The following CBFB variants were observed in gnomAD, a reference collection of about 807,000 sequenced individuals.
CBFB encodes core-binding factor subunit beta.
Under a neutral mutation model 30.4 loss-of-function variants are expected in CBFB, and 9 were observed. The ratio of observed to expected loss-of-function variants is 0.30; its 90% CI spans 0.18 to 0.52. The LOEUF (loss-of-function observed/expected upper bound fraction) is 0.52. CBFB is among the 20% of genes least tolerant of loss of function. The pLI, the probability that CBFB is intolerant of heterozygous loss-of-function variation, is 0.97. For missense variants in CBFB, 170 were observed against 244.0 expected, an observed-to-expected ratio of 0.70 and a Z score of 2.02; for synonymous variants, 94 against 84.0, an observed-to-expected ratio of 1.12 and a Z score of -0.65.
At chr16:67,053,507 G>A (rs1029449942) in intron 3 of CBFB, among the ~76,000 whole-genome samples, 1 of 151,758 alleles carries the variant, frequency 6.6e-6, no homozygotes, top group Non-Finnish European at 1.5e-5. Context: ...CACACTCTTC[G>A]GCCTCCCAAA....
intron 2 of CBFB, 88 bp downstream of exon 2, chr16:67,029,901 C>T: frequency 1.2e-6 from 1 of 831,358 alleles, no homozygotes; most frequent in Non-Finnish European, 1.7e-6. Flanking sequence ...GGCGCGGCTG[C>T]TGCGGCTCCC....
rs1597127915 is a variant in CBFB at position 67,043,757 on chromosome 16, T to G, written c.282+7002T>G. 2.6e-5 allele frequency among the ~76,000 whole-genome samples: 4 copies of G among 152,214 alleles called. 1 individual carries two copies. The East Asian group carries it at 7.7e-4, about 29-fold the overall frequency. ...ATATGTGAAAATGCCTTTTAAATTG[T>G]AAACCCCTGTCTACAGTTAGGCAAT... On this transcript the variant is annotated intron_variant, in intron 3 of 5. Coordinates refer to ENST00000412916, the MANE Select transcript of CBFB (RefSeq NM_022845.3).
intron 2 of CBFB, among the ~76,000 whole-genome samples, chr16:67,036,214 G>A (rs549741881): frequency 2.6e-4 from 40 of 152,190 alleles, no homozygotes; most frequent in Admixed American, 2.4e-3. Flanking sequence ...GGGAAATCAA[G>A]GAAAATTAAA....
intron 5 of CBFB, among the ~76,000 whole-genome samples, chr16:67,090,128 CTGTG>C (rs1297076914): frequency 1.3e-5 from 2 of 152,108 alleles, no homozygotes; most frequent in Admixed American, 6.5e-5. Context: ...CTACCAGTTA[CTGTG>C]GGGATTGAGT....
chr16:67,068,316 A>C (rs1961117141), intron 4 of CBFB, among the ~76,000 whole-genome samples: 1 of 152,072 alleles, frequency 6.6e-6, no homozygotes, highest in Non-Finnish European at 1.5e-5. Flanking sequence ...CCATCTACAC[A>C]AATAATTTTA....
chr16:67,089,540 G>T (rs1228729097), intron 5 of CBFB, among the ~76,000 whole-genome samples: 1 of 152,092 alleles, frequency 6.6e-6, no homozygotes, highest in Non-Finnish European at 1.5e-5. Context: ...CTATTCTCTG[G>T]CATATAGGCT....
At chr16:67,069,503 C>T (rs943479590) in intron 4 of CBFB, among the ~76,000 whole-genome samples, 19 of 152,102 alleles carry the variant, frequency 1.2e-4, no homozygotes, top group African/African-American at 4.3e-4. Flanking sequence ...CACCAGCACA[C>T]GTATTAACAT....
intron 3 of CBFB, among the ~76,000 whole-genome samples, chr16:67,049,495 C>T (rs970013742): frequency 6.6e-6 from 1 of 152,092 alleles, no homozygotes; most frequent in African/African-American, 2.4e-5. Flanking sequence ...AGCCACCGCG[C>T]CCGGCCCCAT....
intron 4 of CBFB, among the ~76,000 whole-genome samples, chr16:67,068,838 A>T (rs1468845873): frequency 1.3e-5 from 2 of 152,218 alleles, no homozygotes; most frequent in Non-Finnish European, 2.9e-5. Context: ...TTTTAATGTT[A>T]AAGGAAATTA....
chr16:67,098,560 GT>G (rs376694014), intron 5 of CBFB, 149 bp from the exon 6 acceptor site: 139 of 550,622 alleles, frequency 2.5e-4, no homozygotes, highest in Admixed American at 4.0e-4. Flanking sequence ...ATTTTAATTG[GT>G]TTTTTTTTGC....
intron 5 of CBFB, among the ~76,000 whole-genome samples, chr16:67,090,753 A>C (rs997827870): frequency 6.6e-6 from 1 of 152,260 alleles, no homozygotes; most frequent in East Asian, 1.9e-4. Context: ...GGTTGTCTTT[A>C]ATGTCAGAGA....
chr16:67,084,820 C>T (rs1961674922), intron 5 of CBFB, among the ~76,000 whole-genome samples: 2 of 151,604 alleles, frequency 1.3e-5, no homozygotes, highest in African/African-American at 2.4e-5. Flanking sequence ...CCAGACTCTA[C>T]AGCCAGACAG....
At position 67,099,520 on chromosome 16, in the gene CBFB, C is replaced by G. The variant is rs1424088094; in HGVS notation, c.*742C>G. 5.0e-6 allele frequency: 1 copy of G among 201,602 alleles called. No homozygotes were observed. The highest frequency in any genetic ancestry group is 7.6e-5 in the East Asian group (1 of 13,076). 12.5% of individuals were successfully genotyped at this position (201,602 alleles called of 1,614,324 possible). A position where few individuals can be genotyped will look rare whatever the true frequency, so the allele number is the denominator to read the frequency against. ...CCTCCTGCCTTAGCCTCCCAGAGTA[C>G]TGGGATTACAGGCTCTTTCTTTTTA... On this transcript the variant is annotated 3_prime_UTR_variant, in exon 6 of 6. Coordinates refer to ENST00000412916, the MANE Select transcript of CBFB (RefSeq NM_022845.3).
At chr16:67,072,000 C>A (rs1961236262) in intron 4 of CBFB, among the ~76,000 whole-genome samples, 1 of 152,118 alleles carries the variant, frequency 6.6e-6, no homozygotes, top group Admixed American at 6.6e-5. Flanking sequence ...CTCTGCTGAT[C>A]ACACAGGCAG....
intron 5 of CBFB, among the ~76,000 whole-genome samples, chr16:67,091,036 T>G (rs902053826): frequency 3.9e-5 from 6 of 152,214 alleles, no homozygotes; most frequent in Non-Finnish European, 5.9e-5. Context: ...AGCATGAGAA[T>G]ATGTCTGTGC....
chr16:67,081,676 C>G (rs1247402226), intron 4 of CBFB, among the ~76,000 whole-genome samples: 1 of 151,814 alleles, frequency 6.6e-6, no homozygotes, highest in East Asian at 1.9e-4. Context: ...TGCAGTGGTG[C>G]GTGCCTGTAG....
chr16:67,058,132 G>C (rs1485872459), intron 3 of CBFB, among the ~76,000 whole-genome samples: 1 of 151,320 alleles, frequency 6.6e-6, no homozygotes, highest in Non-Finnish European at 1.5e-5. Flanking sequence ...CAAATCGGTT[G>C]TTGTTGTTGT....
intron 4 of CBFB, among the ~76,000 whole-genome samples, chr16:67,070,643 AG>A (rs1961193556): frequency 6.6e-6 from 1 of 151,834 alleles, no homozygotes; most frequent in African/African-American, 2.4e-5. Flanking sequence ...TGGTCCCAGG[AG>A]TTTGAGACCA....
intron 5 of CBFB, among the ~76,000 whole-genome samples, chr16:67,085,263 G>A (rs1042485193): frequency 2.0e-5 from 3 of 151,086 alleles, no homozygotes; most frequent in Non-Finnish European, 3.0e-5. Flanking sequence ...TCTGCCTCCC[G>A]GGTTCAAGCG....
Sources: allele counts gnomAD v4.1 joint callset (sites outside exome capture counted in the v4.1 genomes callset), GRCh38; gene constraint gnomAD v4.1.1; transcripts MANE v1.5; gene names NCBI Gene and HGNC (gene_info 2026-07-23, HGNC 2026-07-21).